ZNF557: variants seen among roughly 807,000 people sequenced by gnomAD.
The protein encoded by ZNF557 is zinc finger protein 557.
Under a neutral mutation model 21.2 loss-of-function variants are expected in ZNF557, and 19 were observed. That is an observed-to-expected ratio of 0.90 (90% confidence interval 0.63 to 1.32). ZNF557 has a LOEUF of 1.32. Among genes scored for constraint, ZNF557 ranks in the 40% most tolerant of loss-of-function variants. The pLI is 0.00. For missense variants in ZNF557, 487 were observed against 519.8 expected, an observed-to-expected ratio of 0.94 and a Z score of 0.61; for synonymous variants, 207 against 194.8, an observed-to-expected ratio of 1.06 and a Z score of -0.52.
intron 5 of ZNF557, among the ~76,000 whole-genome samples, 158 bp from the exon 6 acceptor site, chr19:7,081,176 TGTGTGTGTGTGTGTGTGTGTGTGTGA>T (rs1177411843): frequency 3.5e-4 from 45 of 128,454 alleles, no homozygotes; most frequent in East Asian, 9.5e-4. Context: ...TGTGTGTGTG[TGTGTGTGTGTGTGTGTGTGTGTGTGA>T]GTGTTTAAGA....
At position 7,083,771 on chromosome 19, in the gene ZNF557, A is replaced by G. The variant is rs1207521724; in HGVS notation, c.*27A>G. ...TTCAATAACTGTGGGAAAAGCATTC[A>G]TTGATCTTTCATGCCTCAGATAACA... On this transcript the variant is annotated 3_prime_UTR_variant, in exon 8 of 8. Coordinates refer to ENST00000252840, the MANE Select transcript of ZNF557 (RefSeq NM_024341.3). 7.0e-6 allele frequency: 11 copies of G among 1,567,768 alleles called. No individual in the cohort carries two copies. The highest frequency in any genetic ancestry group is 9.5e-6 in the Non-Finnish European group (11 of 1,156,866).
chr19:7,074,743 G>A (rs962706722), intron 2 of ZNF557, among the ~76,000 whole-genome samples: 25 of 142,672 alleles, frequency 1.8e-4, no homozygotes, highest in Admixed American at 5.7e-4. Context: ...GGGGGTGACC[G>A]AGGCAGGGCA....
intron 5 of ZNF557, among the ~76,000 whole-genome samples, chr19:7,080,466 C>T (rs1977677645): frequency 6.6e-6 from 1 of 152,154 alleles, no homozygotes. Context: ...GACACACTTC[C>T]CTCTCCACCC....
chr19:7,073,253 C>G (rs62124463), intron 2 of ZNF557, among the ~76,000 whole-genome samples: 46,638 of 148,524 alleles, frequency 0.31, 7,939 homozygotes, highest in South Asian at 0.48. Context: ...TGGGTTCAAG[C>G]GATTCTCCTG....
chr19:7,081,886 T>G, intron 6 of ZNF557, 84 bp from the exon 7 acceptor site: 2 of 1,026,908 alleles, frequency 1.9e-6, no homozygotes, highest in East Asian at 4.8e-5. Flanking sequence ...CTGCCTTCAC[T>G]CACGTATGCA....
At chr19:7,073,149 T>G (rs551398522) in intron 2 of ZNF557, among the ~76,000 whole-genome samples, 45 of 38,690 alleles carry the variant, frequency 1.2e-3, no homozygotes, top group African/African-American at 3.4e-3. Flanking sequence ...GTTTTTTTGG[T>G]TTTTTTTGTT....
At chr19:7,071,686 A>G (rs981646992) in intron 2 of ZNF557, among the ~76,000 whole-genome samples, 1 of 151,492 alleles carries the variant, frequency 6.6e-6, no homozygotes, top group African/African-American at 2.4e-5. Context: ...TGTACTAAAA[A>G]TATATAAATT....
intron 1 of ZNF557, among the ~76,000 whole-genome samples, chr19:7,070,283 C>T (rs2145159278): frequency 6.6e-6 from 1 of 152,300 alleles, no homozygotes; most frequent in Admixed American, 6.5e-5. Flanking sequence ...CATCTGGAGT[C>T]ACCATACAAT....
intron 5 of ZNF557, among the ~76,000 whole-genome samples, chr19:7,079,986 T>C (rs560880671): frequency 6.6e-6 from 1 of 152,272 alleles, no homozygotes; most frequent in African/African-American, 2.4e-5. Context: ...TGTTCATCCC[T>C]GGGTATGAGC....
intron 5 of ZNF557, among the ~76,000 whole-genome samples, chr19:7,079,165 A>G (rs1977641055): frequency 1.3e-5 from 2 of 151,724 alleles, no homozygotes; most frequent in South Asian, 2.1e-4. Context: ...AATAAATCCA[A>G]TGACTAGGTT....
chr19:7,073,157 G>GTTTTTTTTTTTTTT (rs552141577), intron 2 of ZNF557, among the ~76,000 whole-genome samples: 1 of 136,070 alleles, frequency 7.3e-6, no homozygotes, highest in Non-Finnish European at 1.5e-5. Context: ...GGTTTTTTTT[G>GTTTTTTTTTTTTTT]TTTTTTTTTT....
chr19:7,078,578 C>T (rs868454518), intron 5 of ZNF557, among the ~76,000 whole-genome samples: 11 of 151,918 alleles, frequency 7.2e-5, no homozygotes, highest in Non-Finnish European at 1.5e-4. Flanking sequence ...ATTACAAACG[C>T]GCACCACCAC....
rs1977777047 is a variant in ZNF557 at position 7,083,834 on chromosome 19, CTG to C, written c.*94_*95del. The C allele has an allele frequency of 3.4e-6, 5 of 1,475,408 alleles. No individual in the cohort carries two copies. Among genetic ancestry groups the C allele is most frequent in the Non-Finnish European group, 4.6e-6 (5 of 1,098,454 alleles). 91.4% of individuals were successfully genotyped at this position (1,475,408 alleles called of 1,614,324 possible). A position where few individuals can be genotyped will look rare whatever the true frequency, so the allele number is the denominator to read the frequency against. On this transcript the variant is annotated 3_prime_UTR_variant, in exon 8 of 8. Coordinates refer to ENST00000252840, the MANE Select transcript of ZNF557 (RefSeq NM_024341.3). ...AACAAGATGTATGAATCACCTGCTA[CTG>C]TGTAACAAATTACCCCCCAAAATTT...
chr19:7,082,804 G>A (rs756451654), intron 7 of ZNF557, 74 bp from the exon 8 acceptor site: 404 of 1,442,272 alleles, frequency 2.8e-4, no homozygotes, highest in Non-Finnish European at 3.6e-4. Context: ...ATTCCTGGGA[G>A]AGGAAATTCC....
At chr19:7,070,292 A>G (rs2145159293) in intron 1 of ZNF557, among the ~76,000 whole-genome samples, 1 of 152,254 alleles carries the variant, frequency 6.6e-6, no homozygotes, top group Admixed American at 6.5e-5. Flanking sequence ...TCACCATACA[A>G]TCTCCAGCCA....
intron 5 of ZNF557, among the ~76,000 whole-genome samples, chr19:7,077,132 CTTTTT>C (rs4031071): frequency 3.8e-5 from 3 of 78,368 alleles, no homozygotes; most frequent in African/African-American, 1.6e-4. Context: ...TGTTTTCTTT[CTTTTT>C]TTTTTTTTTT....
In ZNF557 at chr19:7,085,312, GTAGGCATGCACCAC is replaced by G. The variant is rs1187203277; in HGVS notation, c.*1569_*1582del. The G allele has an allele frequency of 6.6e-6, 1 of 151,950 alleles. No individual in the cohort carries two copies. The highest frequency in any genetic ancestry group is 1.5e-5 in the Non-Finnish European group (1 of 67,988). The allele number at this position is 151,950 out of a possible 1,614,324, so 9.4% of individuals were successfully genotyped here. A position where few individuals can be genotyped will look rare whatever the true frequency, so the allele number is the denominator to read the frequency against. Reference sequence around the variant, plus strand: ...CTCAGCCTCCCAAGTAGCTGGGACTGTAGGCATGCACCACCATGCCTGTCTAGTTTTTGTAAAGA... The same window carrying G: ...CTCAGCCTCCCAAGTAGCTGGGACTGCATGCCTGTCTAGTTTTTGTAAAGA... On this transcript the variant is annotated 3_prime_UTR_variant, in exon 8 of 8. Transcript: ENST00000252840.
At chr19:7,081,703 G>A (rs1410613577) in intron 6 of ZNF557, among the ~76,000 whole-genome samples, 3 of 152,122 alleles carry the variant, frequency 2.0e-5, no homozygotes, top group African/African-American at 7.2e-5. Context: ...TGAAATTTAA[G>A]TCTCCTATGA....
Position 7,076,445 on chromosome 19 carries a change from C to T in ZNF557, c.185C>T (p.Pro62Leu), listed in dbSNP as rs779433517. 1 of 1,614,174 alleles carries T rather than the reference C, an allele frequency of 6.2e-7. No homozygotes were observed. The highest frequency in any genetic ancestry group is 8.5e-7 in the Non-Finnish European group (1 of 1,180,036). ...FTQEEWALLD[P>L]AQRTLYRDVM... ...CAGGAGGAGTGGGCATTGCTGGACCCTGCCCAAAGGACACTGTACAGGGAC... is the reference window on the plus strand; with the variant it reads ...CAGGAGGAGTGGGCATTGCTGGACCTTGCCCAAAGGACACTGTACAGGGAC... The change falls in exon 5 of 8, where the codon CCT (proline) becomes CTT (leucine). Residue 62 changes from proline to leucine, a missense_variant. Physicochemically the swap from Pro to Leu is moderately conservative, Grantham distance 98 (BLOSUM62 -3). Coordinates refer to ENST00000252840, the MANE Select transcript of ZNF557 (RefSeq NM_024341.3).
Sources: allele counts gnomAD v4.1 joint callset (sites outside exome capture counted in the v4.1 genomes callset), GRCh38; gene constraint gnomAD v4.1.1; transcripts MANE v1.5; gene names NCBI Gene and HGNC (gene_info 2026-07-23, HGNC 2026-07-21).